The following PDE8B variants were observed in gnomAD, a reference collection of about 807,000 sequenced individuals.
PDE8B encodes high affinity cAMP-specific and IBMX-insensitive 3',5'-cyclic phosphodiesterase 8B.
PDE8B carries 26 observed loss-of-function variants against 101.3 expected under a neutral mutation model. That is an observed-to-expected ratio of 0.26 (90% CI 0.19 to 0.36). The LOEUF (loss-of-function observed/expected upper bound fraction) is 0.36. Ranked by LOEUF, PDE8B falls within the 10% of genes least tolerant of loss-of-function variation. PDE8B has a pLI of 1.00. For synonymous variants in PDE8B, 424 were observed against 429.3 expected (o/e 0.99, Z 0.15); for missense variants, 810 against 1,163.1 (o/e 0.70, Z 4.42).
At chr5:77,409,541 CTG>C (rs1325362864) in intron 14 of PDE8B, among the ~76,000 whole-genome samples, 10 of 152,122 alleles carry the variant, frequency 6.6e-5, no homozygotes, top group Non-Finnish European at 1.2e-4. Flanking sequence ...TAAAAGCAGA[CTG>C]GGGCTGTTCT....
At chr5:77,108,371 A>C in the PDE8B span, among the ~76,000 whole-genome samples, 1 of 152,150 alleles carries the variant, frequency 6.6e-6, no homozygotes, top group Non-Finnish European at 1.5e-5. Flanking sequence ...TATAGGTCTA[A>C]GGTTTTTTCC....
intron 10 of PDE8B, among the ~76,000 whole-genome samples, chr5:77,355,166 C>T (rs189333185): frequency 1.3e-5 from 2 of 152,314 alleles, no homozygotes; most frequent in Admixed American, 1.3e-4. Context: ...CTTTAGGATA[C>T]AGGGGTGGGG....
At chr5:77,391,075 T>C (rs1789807383) in intron 10 of PDE8B, among the ~76,000 whole-genome samples, 10 of 152,228 alleles carry the variant, frequency 6.6e-5, no homozygotes, top group Admixed American at 6.5e-4. Flanking sequence ...GACCCACTCA[T>C]TCTGTATCTA....
chr5:77,291,920 A>T, intron 1 of PDE8B: 2 of 888,466 alleles, frequency 2.3e-6, no homozygotes, highest in Non-Finnish European at 3.6e-6. Context: ...GACAGTGACT[A>T]ATCCCCCTAT....
chr5:77,406,514 G>C (rs1434599488), intron 12 of PDE8B, among the ~76,000 whole-genome samples: 1 of 152,248 alleles, frequency 6.6e-6, no homozygotes, highest in Non-Finnish European at 1.5e-5. Flanking sequence ...AGCAGAACTT[G>C]AAGGGGACTG....
intron 1 of PDE8B, among the ~76,000 whole-genome samples, chr5:77,249,870 A>C (rs1757711655): frequency 6.6e-6 from 1 of 152,234 alleles, no homozygotes; most frequent in Non-Finnish European, 1.5e-5. Flanking sequence ...TGTGCATTTG[A>C]TCTCTTGGAA....
the PDE8B span, among the ~76,000 whole-genome samples, chr5:77,123,356 T>TCCCCCCCCCCC: frequency 3.4e-5 from 5 of 145,840 alleles, no homozygotes; most frequent in Non-Finnish European, 4.5e-5. Flanking sequence ...GTTGAATTCC[T>TCCCCCCCCCCC]CCCCCACCGC....
intron 2 of PDE8B, among the ~76,000 whole-genome samples, chr5:77,317,775 G>C (rs1164747762): frequency 6.6e-6 from 1 of 152,068 alleles, no homozygotes; most frequent in African/African-American, 2.4e-5. Flanking sequence ...TTCCCGTCAT[G>C]CTGGGCTTTC....
At chr5:77,243,263 A>G (rs1340399091) in intron 1 of PDE8B, among the ~76,000 whole-genome samples, 2 of 152,202 alleles carry the variant, frequency 1.3e-5, no homozygotes, top group African/African-American at 2.4e-5. Flanking sequence ...AGAGCCAACT[A>G]TACTACCAGA....
At chr5:77,416,648 G>A (rs1016626274) in intron 17 of PDE8B, among the ~76,000 whole-genome samples, 2 of 152,234 alleles carry the variant, frequency 1.3e-5, no homozygotes, top group African/African-American at 2.4e-5. Flanking sequence ...TGGGGTCAGC[G>A]TTGGGAATGG....
At chr5:77,191,687 C>A in the PDE8B span, among the ~76,000 whole-genome samples, 1 of 152,160 alleles carries the variant, frequency 6.6e-6, no homozygotes, top group Non-Finnish European at 1.5e-5. Context: ...GGTCCCCAAC[C>A]TTTTTGGCAC....
At chr5:77,311,889 A>C (rs1411377950) in intron 1 of PDE8B, 105 bp from the exon 2 acceptor site, 9 of 906,374 alleles carry the variant, frequency 9.9e-6, no homozygotes, top group Non-Finnish European at 1.7e-5. Flanking sequence ...TGGATTCTTC[A>C]ATTTAGTGCA....
chr5:77,342,598 G>T (rs999968489), intron 6 of PDE8B, among the ~76,000 whole-genome samples: 1 of 151,746 alleles, frequency 6.6e-6, no homozygotes, highest in African/African-American at 2.4e-5. Context: ...CTTTTTATTG[G>T]GATTCTTTAA....
intron 1 of PDE8B, among the ~76,000 whole-genome samples, chr5:77,285,153 C>T (rs1765744072): frequency 6.6e-6 from 1 of 152,140 alleles, no homozygotes; most frequent in Admixed American, 6.5e-5. Context: ...TCCAAGAAAT[C>T]TTTTCCTACC....
At chr5:77,195,864 A>G in the PDE8B span, among the ~76,000 whole-genome samples, 2 of 152,162 alleles carry the variant, frequency 1.3e-5, no homozygotes, top group African/African-American at 4.8e-5. Context: ...TAAACAGAGG[A>G]CAAGGAAGAG....
the PDE8B span, among the ~76,000 whole-genome samples, chr5:77,178,302 C>G: frequency 6.6e-6 from 1 of 152,144 alleles, no homozygotes; most frequent in Non-Finnish European, 1.5e-5. Context: ...TATTTTTAAC[C>G]TGGGTCAATG....
In PDE8B at chr5:77,426,624, C is replaced by A; in HGVS notation, c.*70C>A. ...GAATCACAGTAGCGTAAACGAGAGG[C>A]CTTCCTTTCTAATGACAATGACAGG... On this transcript the variant is annotated 3_prime_UTR_variant, in exon 22 of 22. Transcript: ENST00000264917. The A allele has an allele frequency of 1.3e-6, 1 of 791,922 alleles. No individual in the cohort carries two copies. Among genetic ancestry groups the A allele is most frequent in the South Asian group, 1.4e-5 (1 of 70,456 alleles). 49.1% of individuals were successfully genotyped at this position (791,922 alleles called of 1,614,324 possible).
intron 1 of PDE8B, among the ~76,000 whole-genome samples, chr5:77,261,671 C>T (rs918858117): frequency 1.3e-5 from 2 of 152,232 alleles, no homozygotes; most frequent in Admixed American, 1.3e-4. Flanking sequence ...AGGGCCTGCT[C>T]TCCACACTAG....
chr5:77,118,172 G>A, the PDE8B span: 5 of 375,710 alleles, frequency 1.3e-5, no homozygotes, highest in Non-Finnish European at 1.9e-5. Flanking sequence ...GTCTCAAACT[G>A]CTGATCTAAA....
Sources: gnomAD v4.1 joint callset for allele counts (sites outside exome capture counted in the v4.1 genomes callset) on GRCh38, gnomAD v4.1.1 for gene constraint, MANE v1.5 for transcripts, NCBI Gene and HGNC (gene_info 2026-07-23, HGNC 2026-07-21) for gene names.